RPH3AL: variants seen among roughly 807,000 people sequenced by gnomAD.
The protein encoded by RPH3AL is rab effector Noc2.
A neutral mutation model predicts 43.1 loss-of-function variants in RPH3AL; 38 were observed. That is an observed-to-expected ratio of 0.88 (90% CI 0.68 to 1.15). The LOEUF (loss-of-function observed/expected upper bound fraction) is 1.15, where lower values mean the gene tolerates loss of function less well. Among genes scored for constraint, RPH3AL ranks in the 50% most tolerant of loss-of-function variants. RPH3AL has a pLI of 0.00. For missense variants in RPH3AL, 462 were observed against 423.2 expected (o/e 1.09, Z -0.81); for synonymous variants, 189 against 176.3 (o/e 1.07, Z -0.57).
chr17:219,309 C>G (rs2040892503), intron 8 of RPH3AL, among the ~76,000 whole-genome samples: 1 of 142,870 alleles, frequency 7.0e-6, no homozygotes, highest in Non-Finnish European at 1.5e-5. Flanking sequence ...GGCAATTCTC[C>G]TGTCTCAGCC....
chr17:246,897 G>A lies in RPH3AL; in HGVS notation c.613+214C>T, dbSNP rs867975941. Among the ~76,000 whole-genome samples the A allele has an allele frequency of 8.5e-5, 13 of 152,230 alleles. No individual in the cohort carries two copies. The highest frequency in any genetic ancestry group is 1.5e-4 in the Non-Finnish European group (10 of 68,036). On this transcript the variant is annotated intron_variant, in intron 7 of 9. Transcript: ENST00000331302. This position sits in a 1 kb window ranked among gnomAD's most constrained non-coding sequence, Gnocchi z 4.8. ...ACTGCCCCCCGTGGGCCCTCCCGCC[G>A]CACTCCTGCACAGAGCGAACAGTCA...
chr17:253,091 C>T (rs1272319713), intron 6 of RPH3AL, among the ~76,000 whole-genome samples: 1 of 152,174 alleles, frequency 6.6e-6, no homozygotes, highest in African/African-American at 2.4e-5. Flanking sequence ...TCTGTGGACC[C>T]TGATCGGGGA....
chr17:282,020 C>T (rs1010379114), intron 5 of RPH3AL, among the ~76,000 whole-genome samples, 166 bp from the exon 6 acceptor site: 2 of 152,174 alleles, frequency 1.3e-5, no homozygotes, highest in African/African-American at 4.8e-5. Context: ...TCTAAAAATC[C>T]TTAGTTGGCT....
At chr17:298,598 G>A (rs1044732574) in intron 5 of RPH3AL, among the ~76,000 whole-genome samples, 17 of 151,948 alleles carry the variant, frequency 1.1e-4, no homozygotes, top group East Asian at 1.9e-4. Context: ...CTAGCTACTC[G>A]GGAGGCTGAG....
At chr17:310,887 C>A (rs554083912) in intron 5 of RPH3AL, among the ~76,000 whole-genome samples, 1 of 152,122 alleles carries the variant, frequency 6.6e-6, no homozygotes, top group Non-Finnish European at 1.5e-5. Flanking sequence ...TCCAGCGACT[C>A]GGGTTCTAGG....
intron 7 of RPH3AL, among the ~76,000 whole-genome samples, chr17:222,476 G>C (rs186070605): frequency 1.3e-5 from 2 of 152,342 alleles, no homozygotes; most frequent in Non-Finnish European, 2.9e-5. Context: ...AGCAAGGGGA[G>C]GTGAGGATGT....
intron 6 of RPH3AL, among the ~76,000 whole-genome samples, chr17:276,722 T>A (rs1399864374): frequency 6.6e-6 from 1 of 152,172 alleles, no homozygotes; most frequent in Non-Finnish European, 1.5e-5. Flanking sequence ...AATTAATTTT[T>A]AAAAAACACA....
chr17:321,347 G>A lies in RPH3AL; in HGVS notation c.146C>T (p.Pro49Leu), dbSNP rs531144468. Residue 49 changes from proline to leucine, a missense_variant, in exon 4 of 10, where the codon CCG becomes CTG. By Grantham distance (98) the Pro-to-Leu change is moderately conservative (BLOSUM62 -3). Coordinates refer to ENST00000331302, the MANE Select transcript of RPH3AL (RefSeq NM_006987.4). Reference sequence around the variant, plus strand: ...CTGCAGGATGGCCTCCACCTCCGCCGGGCTGAGGTGCTGCTTCCTCCTCTG... The same window carrying A: ...CTGCAGGATGGCCTCCACCTCCGCCAGGCTGAGGTGCTGCTTCCTCCTCTG... Reference protein sequence around the residue: ...EKQRRKQHLSPAEVEAILQVI... With the variant: ...EKQRRKQHLSLAEVEAILQVI... 6 of 1,611,516 alleles carry A rather than the reference G, an allele frequency of 3.7e-6. No individual in the cohort carries two copies. Among genetic ancestry groups the A allele is most frequent in the South Asian group, 2.2e-5 (2 of 91,054 alleles).
chr17:337,394 C>A (rs1019618908), intron 1 of RPH3AL, among the ~76,000 whole-genome samples: 1 of 152,206 alleles, frequency 6.6e-6, no homozygotes, highest in African/African-American at 2.4e-5. Flanking sequence ...CGCCACGACA[C>A]CCAGCCTGCC....
At chr17:270,592 G>A (rs1385946389) in intron 6 of RPH3AL, among the ~76,000 whole-genome samples, 1 of 152,090 alleles carries the variant, frequency 6.6e-6, no homozygotes, top group Non-Finnish European at 1.5e-5. Context: ...GCTCATGCCT[G>A]TAATCCCAGC....
intron 3 of RPH3AL, chr17:321,749 C>T (rs111956067): frequency 5.6e-5 from 16 of 285,738 alleles, no homozygotes; most frequent in Admixed American, 2.1e-4. Context: ...GGGCAAGGCA[C>T]GCGGGCAACA....
intron 2 of RPH3AL, chr17:331,207 A>G (rs11869634): frequency 0.4 from 49,445 of 123,420 alleles, 8,702 homozygotes; most frequent in Non-Finnish European, 0.5. Flanking sequence ...ACTGCTTCCT[A>G]CATGTCCCCA....
rs2151710601 is a variant in RPH3AL, at chr17:328,690, T to A, written c.-36-1111A>T. Among the ~76,000 whole-genome samples, 1 of 152,218 alleles carries A rather than the reference T, an allele frequency of 6.6e-6. No homozygotes were observed. The highest frequency in any genetic ancestry group is 1.9e-4 in the East Asian group (1 of 5,208). ...TGATGAATGAGGAAAATGTGCTATA[T>A]CCATACGATGATTATTATTTACAAT... On this transcript the variant is annotated intron_variant, in intron 2 of 9. Transcript: ENST00000331302. This position sits in a 1 kb window ranked among gnomAD's most constrained non-coding sequence, Gnocchi z 4.2.
At chr17:319,045 A>G (rs2044383636) in intron 5 of RPH3AL, among the ~76,000 whole-genome samples, 1 of 152,224 alleles carries the variant, frequency 6.6e-6, no homozygotes, top group Non-Finnish European at 1.5e-5. Flanking sequence ...TCCTCATAGC[A>G]TGGTGAGGTA....
At chr17:267,730 G>A (rs538488828) in intron 6 of RPH3AL, among the ~76,000 whole-genome samples, 3 of 152,298 alleles carry the variant, frequency 2.0e-5, no homozygotes, top group South Asian at 4.1e-4. Context: ...GTCTTCCACA[G>A]TCATCACTGT....
At chr17:249,015 C>G (rs1597930480) in intron 6 of RPH3AL, among the ~76,000 whole-genome samples, 1 of 152,130 alleles carries the variant, frequency 6.6e-6, no homozygotes, top group Admixed American at 6.6e-5. Flanking sequence ...GATGGGACAG[C>G]CTCTCCAACA....
chr17:335,647 C>G (rs1324039111), intron 1 of RPH3AL: 1 of 152,146 alleles, frequency 6.6e-6, no homozygotes, highest in East Asian at 1.9e-4. Flanking sequence ...CCTCAATGTC[C>G]AGAACTATTC....
At chr17:230,422 A>G (rs1435399997) in intron 7 of RPH3AL, among the ~76,000 whole-genome samples, 3 of 152,154 alleles carry the variant, frequency 2.0e-5, no homozygotes, top group African/African-American at 7.2e-5. Context: ...ATTCAGGGAG[A>G]GAGGGGCACT....
At chr17:242,878 T>C (rs1216235816) in intron 7 of RPH3AL, among the ~76,000 whole-genome samples, 2 of 133,786 alleles carry the variant, frequency 1.5e-5, no homozygotes, top group African/African-American at 2.7e-5. Context: ...CCTTCCTCTA[T>C]TGACTACCTT....
Sources: allele counts gnomAD v4.1 joint callset (sites outside exome capture counted in the v4.1 genomes callset), GRCh38; gene constraint gnomAD v4.1.1; non-coding constraint Gnocchi (gnomAD v3.1); transcripts MANE v1.5; gene names NCBI Gene and HGNC (gene_info 2026-07-23, HGNC 2026-07-21).